The following PDE4B variants were observed in gnomAD, a reference collection of about 807,000 sequenced individuals.
The protein encoded by PDE4B is 3',5'-cyclic-AMP phosphodiesterase 4B.
In PDE4B, 20 loss-of-function variants were observed where a neutral mutation model predicts 82.2. The ratio of observed to expected loss-of-function variants is 0.24; its 90% CI spans 0.17 to 0.35. The LOEUF (loss-of-function observed/expected upper bound fraction) is 0.35, where lower values mean the gene tolerates loss of function less well. PDE4B is among the 10% of genes least tolerant of loss of function. The pLI is 1.00. For missense variants in PDE4B, 655 were observed against 907.2 expected (o/e 0.72, Z 3.57); for synonymous variants, 320 against 318.9 (o/e 1.00, Z -0.04).
intron 3 of PDE4B, among the ~76,000 whole-genome samples, chr1:66,114,754 G>A (rs1645560168): frequency 6.7e-6 from 1 of 149,704 alleles, no homozygotes; most frequent in South Asian, 2.2e-4. Context: ...TCCTGCCTCA[G>A]CCTCCCGGGT....
At chr1:65,966,426 G>A (rs749268793) in intron 3 of PDE4B, among the ~76,000 whole-genome samples, 7 of 151,954 alleles carry the variant, frequency 4.6e-5, no homozygotes, top group Non-Finnish European at 7.4e-5. Context: ...AAAACATTCC[G>A]TCCTCATGGA....
At chr1:66,278,034 C>T (rs1322182503) in intron 7 of PDE4B, among the ~76,000 whole-genome samples, 1 of 152,182 alleles carries the variant, frequency 6.6e-6, no homozygotes, top group Non-Finnish European at 1.5e-5. Context: ...ACACATAAAG[C>T]ACTAAATAAA....
chr1:66,093,808 A>G (rs1213652672), intron 3 of PDE4B, among the ~76,000 whole-genome samples: 1 of 152,058 alleles, frequency 6.6e-6, no homozygotes, highest in Non-Finnish European at 1.5e-5. Context: ...TCAATTCTGC[A>G]TTGAGATGAG....
At chr1:66,251,313 T>C (rs1288144645) in intron 4 of PDE4B, among the ~76,000 whole-genome samples, 1 of 152,226 alleles carries the variant, frequency 6.6e-6, no homozygotes. Flanking sequence ...GTTAAGTGAC[T>C]TCTCCAATAA....
chr1:66,198,965 ATT>A (rs1010281951), intron 3 of PDE4B, among the ~76,000 whole-genome samples: 48 of 151,794 alleles, frequency 3.2e-4, no homozygotes, highest in Non-Finnish European at 1.5e-4. Context: ...GCTGCATAGT[ATT>A]CCATGGTGTA....
At chr1:66,206,211 T>C (rs968839927) in intron 3 of PDE4B, among the ~76,000 whole-genome samples, 1 of 152,150 alleles carries the variant, frequency 6.6e-6, no homozygotes, top group Admixed American at 6.5e-5. Flanking sequence ...CTTCTTCCAA[T>C]CCAGTTTCCT....
At chr1:66,228,637 A>C (rs1053289881) in intron 3 of PDE4B, among the ~76,000 whole-genome samples, 1 of 150,906 alleles carries the variant, frequency 6.6e-6, no homozygotes, top group Non-Finnish European at 1.5e-5. Context: ...AAAAAAAAAA[A>C]AAAAAACATG....
chr1:65,945,614 C>A (rs543230744), intron 3 of PDE4B, among the ~76,000 whole-genome samples: 133 of 152,104 alleles, frequency 8.7e-4, no homozygotes, highest in Middle Eastern at 6.8e-3. Flanking sequence ...ACAGCAGTTA[C>A]TAAATCAGCT....
intron 3 of PDE4B, among the ~76,000 whole-genome samples, chr1:66,162,536 C>T (rs1646638177): frequency 6.6e-6 from 1 of 151,902 alleles, no homozygotes; most frequent in South Asian, 2.1e-4. Flanking sequence ...GCTTGATGCC[C>T]AGCCTATGCA....
intron 3 of PDE4B, among the ~76,000 whole-genome samples, chr1:65,955,301 T>G (rs983086625): frequency 1.3e-5 from 2 of 152,092 alleles, no homozygotes; most frequent in Non-Finnish European, 2.9e-5. Context: ...GGAAGAGAGA[T>G]GTAGAAAAGT....
intron 1 of PDE4B, among the ~76,000 whole-genome samples, chr1:65,863,864 C>T (rs946375905): frequency 1.3e-5 from 2 of 152,032 alleles, no homozygotes; most frequent in Non-Finnish European, 2.9e-5. Context: ...GGTAAATATT[C>T]CTCCTTCTCT....
chr1:66,198,138 C>T (rs1570447976), intron 3 of PDE4B, among the ~76,000 whole-genome samples: 1 of 152,084 alleles, frequency 6.6e-6, no homozygotes, highest in East Asian at 1.9e-4. Context: ...TAATTTGAAT[C>T]TGGAGACTTA....
intron 3 of PDE4B, among the ~76,000 whole-genome samples, chr1:65,990,923 C>T (rs913896063): frequency 8.6e-5 from 13 of 151,988 alleles, no homozygotes; most frequent in African/African-American, 2.7e-4. Context: ...AGAGTAGTAC[C>T]GTAAACCAGT....
At chr1:65,800,732 A>C (rs1266164739) in intron 1 of PDE4B, among the ~76,000 whole-genome samples, 1 of 152,326 alleles carries the variant, frequency 6.6e-6, no homozygotes. Flanking sequence ...TTTGAATTTG[A>C]AAGTAGTATA....
chr1:66,099,767 G>A lies in PDE4B; in HGVS notation c.282-147693G>A, dbSNP rs143038706. ...CAATATATAAAATGTTGAGGTGGGC[G>A]CCAAAAAATAAACTGACAGAGATGT... is the stretch of plus-strand genomic sequence containing the variant. On this transcript the variant is annotated intron_variant, in intron 3 of 16. Transcript: ENST00000341517. Among the ~76,000 whole-genome samples, 14 of 152,118 alleles carry A rather than the reference G, an allele frequency of 9.2e-5. No homozygotes were observed. The East Asian group carries it at 1.5e-3, about 17-fold the overall frequency.
intron 3 of PDE4B, among the ~76,000 whole-genome samples, chr1:65,967,675 A>G (rs1271299350): frequency 6.6e-6 from 1 of 152,186 alleles, no homozygotes; most frequent in Non-Finnish European, 1.5e-5. Context: ...TACACCATGG[A>G]ATACTACGCA....
intron 3 of PDE4B, among the ~76,000 whole-genome samples, chr1:65,935,751 G>A (rs1208956380): frequency 6.6e-6 from 1 of 152,036 alleles, no homozygotes; most frequent in Non-Finnish European, 1.5e-5. Flanking sequence ...AGACCAGCCC[G>A]ACCAATATGG....
intron 8 of PDE4B, among the ~76,000 whole-genome samples, chr1:66,334,904 G>A (rs1660394956): frequency 1.3e-5 from 2 of 152,092 alleles, no homozygotes; most frequent in South Asian, 4.1e-4. Flanking sequence ...TTGAGCCCAG[G>A]AGTTCGAGAT....
intron 3 of PDE4B, among the ~76,000 whole-genome samples, chr1:65,961,593 G>A (rs1649545300): frequency 6.6e-6 from 1 of 152,098 alleles, no homozygotes; most frequent in African/African-American, 2.4e-5. Context: ...ATTATACAGA[G>A]ACTCTAAATA....
Sources: gnomAD v4.1 joint callset for allele counts (sites outside exome capture counted in the v4.1 genomes callset) on GRCh38, gnomAD v4.1.1 for gene constraint, MANE v1.5 for transcripts, NCBI Gene and HGNC (gene_info 2026-07-23, HGNC 2026-07-21) for gene names.